ZNF438: variants seen among roughly 807,000 people sequenced by gnomAD.
ZNF438 encodes zinc finger protein 438.
ZNF438 carries 25 observed loss-of-function variants against 38.0 expected under a neutral mutation model. That is an observed-to-expected ratio of 0.66 (90% CI 0.48 to 0.92). The LOEUF is 0.92. Ranked by LOEUF, ZNF438 falls within the 40% of genes least tolerant of loss-of-function variation. The pLI, the probability that ZNF438 is intolerant of heterozygous loss-of-function variation, is 0.00. For missense variants in ZNF438, 1,007 were observed against 999.6 expected (o/e 1.01, Z -0.10); for synonymous variants, 372 against 364.1 (o/e 1.02, Z -0.25).
chr10:30,891,715 T>C (rs1393717386), intron 3 of ZNF438, among the ~76,000 whole-genome samples: 3 of 152,190 alleles, frequency 2.0e-5, no homozygotes, highest in Non-Finnish European at 4.4e-5. Context: ...TATGCTGCCA[T>C]AGTGCATTTT....
At chr10:31,018,536 T>A (rs1201541546) in intron 1 of ZNF438, among the ~76,000 whole-genome samples, 1 of 152,168 alleles carries the variant, frequency 6.6e-6, no homozygotes, top group Non-Finnish European at 1.5e-5. Flanking sequence ...TATAACATGT[T>A]TTCTACTGTC....
chr10:31,002,782 G>A (rs1233278739), intron 1 of ZNF438, among the ~76,000 whole-genome samples: 1 of 152,174 alleles, frequency 6.6e-6, no homozygotes, highest in Non-Finnish European at 1.5e-5. Context: ...CCTTTGCAGT[G>A]TCTTTAGAGA....
intron 3 of ZNF438, among the ~76,000 whole-genome samples, chr10:30,906,104 A>G (rs1222643350): frequency 6.6e-6 from 1 of 152,218 alleles, no homozygotes; most frequent in Non-Finnish European, 1.5e-5. Flanking sequence ...CAAAAGGGGC[A>G]GCTGAAATTT....
At chr10:30,855,808 T>C (rs1286958965) in intron 4 of ZNF438, among the ~76,000 whole-genome samples, 1 of 152,180 alleles carries the variant, frequency 6.6e-6, no homozygotes, top group Admixed American at 6.5e-5. Flanking sequence ...AATGAGAAGA[T>C]ACACACACAA....
chr10:30,909,577 C>G (rs1330128342), intron 2 of ZNF438, among the ~76,000 whole-genome samples: 2 of 152,118 alleles, frequency 1.3e-5, no homozygotes, highest in African/African-American at 4.8e-5. Context: ...ACTTTTTCAT[C>G]TTTATCCTGA....
chr10:30,903,017 C>G (rs1304558405), intron 3 of ZNF438, among the ~76,000 whole-genome samples: 1 of 152,192 alleles, frequency 6.6e-6, no homozygotes, highest in East Asian at 1.9e-4. Flanking sequence ...ACCGGATGCA[C>G]CCTCCGCAGC....
intron 2 of ZNF438, among the ~76,000 whole-genome samples, chr10:30,910,698 A>AG (rs1164773800): frequency 6.6e-6 from 1 of 151,308 alleles, no homozygotes; most frequent in African/African-American, 2.4e-5. Context: ...AAAAAAAAAA[A>AG]AAAAGCCGCC....
chr10:30,874,463 G>C (rs1296428985), intron 4 of ZNF438, among the ~76,000 whole-genome samples: 1 of 151,772 alleles, frequency 6.6e-6, no homozygotes, highest in Non-Finnish European at 1.5e-5. Flanking sequence ...AATTATATTT[G>C]ATCATAAACA....
chr10:30,890,926 G>A (rs1044944402), intron 3 of ZNF438, among the ~76,000 whole-genome samples: 4 of 152,182 alleles, frequency 2.6e-5, no homozygotes, highest in Non-Finnish European at 5.9e-5. Flanking sequence ...AAAAATGTCG[G>A]ATAATTTTTG....
intron 1 of ZNF438, among the ~76,000 whole-genome samples, chr10:31,006,573 A>C (rs1301342048): frequency 6.6e-6 from 1 of 152,076 alleles, no homozygotes; most frequent in Non-Finnish European, 1.5e-5. Context: ...CCTCTAGTAA[A>C]TTAAATGAAC....
intron 4 of ZNF438, among the ~76,000 whole-genome samples, chr10:30,853,168 A>C (rs1564491411): frequency 6.6e-6 from 1 of 152,196 alleles, no homozygotes; most frequent in Non-Finnish European, 1.5e-5. Flanking sequence ...GAGAAGAGAA[A>C]ATATTGGGTC....
intron 1 of ZNF438, among the ~76,000 whole-genome samples, chr10:31,002,418 G>A (rs1335250698): frequency 6.6e-6 from 1 of 151,884 alleles, no homozygotes; most frequent in Non-Finnish European, 1.5e-5. Context: ...TTTTTTCATT[G>A]TAAATAAACC....
intron 4 of ZNF438, among the ~76,000 whole-genome samples, chr10:30,866,616 C>T (rs1057422054): frequency 1.3e-5 from 2 of 152,020 alleles, no homozygotes; most frequent in East Asian, 3.9e-4. Context: ...AGGCAGATCA[C>T]GAGGTCAGGA....
chr10:31,016,387 T>A (rs1422068540), intron 1 of ZNF438, among the ~76,000 whole-genome samples: 1 of 152,362 alleles, frequency 6.6e-6, no homozygotes, highest in East Asian at 1.9e-4. Flanking sequence ...TAACATTCTA[T>A]ATTTGATTCC....
intron 1 of ZNF438, among the ~76,000 whole-genome samples, chr10:30,945,421 T>TA (rs2047284679): frequency 1.3e-5 from 2 of 151,808 alleles, no homozygotes; most frequent in Non-Finnish European, 2.9e-5. Context: ...TACTTTTTTT[T>TA]ATTATACTTT....
chr10:30,957,572 T>C (rs993657976), intron 1 of ZNF438, among the ~76,000 whole-genome samples: 1 of 152,224 alleles, frequency 6.6e-6, no homozygotes, highest in African/African-American at 2.4e-5. Context: ...TTTCTGCACA[T>C]GGATGTCCAG....
intron 3 of ZNF438, among the ~76,000 whole-genome samples, chr10:30,888,680 C>T (rs1211905757): frequency 1.3e-5 from 2 of 152,172 alleles, no homozygotes; most frequent in Non-Finnish European, 2.9e-5. Context: ...CCAGCTCCAT[C>T]CATGTTCCTA....
intron 2 of ZNF438, among the ~76,000 whole-genome samples, chr10:30,909,467 A>G (rs527395859): frequency 1.6e-4 from 24 of 152,326 alleles, no homozygotes; most frequent in Admixed American, 1.6e-3. Flanking sequence ...CTCGACTGAG[A>G]TTTTACCTTC....
chr10:30,930,824 A>AAAAAAAAAAAAAAAAAAAAAAC (rs1366987956), intron 2 of ZNF438, among the ~76,000 whole-genome samples: 1 of 121,518 alleles, frequency 8.2e-6, no homozygotes, highest in African/African-American at 3.0e-5. Context: ...AAAAAAAAAA[A>AAAAAAAAAAAAAAAAAAAAAAC]AAAAAAAAAA....
Sources: allele counts gnomAD v4.1 joint callset (sites outside exome capture counted in the v4.1 genomes callset), GRCh38; gene constraint gnomAD v4.1.1; transcripts MANE v1.5; gene names NCBI Gene and HGNC (gene_info 2026-07-23, HGNC 2026-07-21).